Variants in ADCK1 observed in about 807,000 individuals in gnomAD.
ADCK1 encodes the protein aarF domain containing kinase 1.
In ADCK1, 41 loss-of-function variants were observed where a neutral mutation model predicts 52.3. The ratio of observed to expected loss-of-function variants is 0.78; its 90% CI spans 0.61 to 1.02. The LOEUF is 1.02. Among genes scored for constraint, ADCK1 ranks in the 50% least tolerant of loss-of-function variants. The pLI, the probability that ADCK1 is intolerant of heterozygous loss-of-function variation, is 0.00. For missense variants in ADCK1, 658 were observed against 679.5 expected (o/e 0.97, Z 0.35); for synonymous variants, 250 against 274.6 (o/e 0.91, Z 0.89).
chr14:77,931,441 G>A, intron 9 of ADCK1, 77 bp from the exon 10 acceptor site: 1 of 1,468,296 alleles, frequency 6.8e-7, no homozygotes, highest in Non-Finnish European at 9.3e-7. Context: ...TCTGGTCACA[G>A]CCTGCCAGAC....
chr14:77,898,081 G>C (rs964887155), intron 5 of ADCK1, among the ~76,000 whole-genome samples: 2 of 152,178 alleles, frequency 1.3e-5, no homozygotes, highest in Non-Finnish European at 2.9e-5. Context: ...AACACAGTGA[G>C]ACTCTGTCTC....
chr14:77,842,453 TTCCTTCCTTCCTTCCTTCC>T (rs2082090799), intron 3 of ADCK1, among the ~76,000 whole-genome samples: 975 of 52,004 alleles, frequency 0.019, 7 homozygotes, highest in Middle Eastern at 0.049. Context: ...TTTTTTTTCC[TTCCTTCCTTCCTTCCTTCC>T]TTCCTTCCTT....
At chr14:77,882,146 G>T (rs2083039956) in intron 4 of ADCK1, among the ~76,000 whole-genome samples, 1 of 151,972 alleles carries the variant, frequency 6.6e-6, no homozygotes, top group Admixed American at 6.6e-5. Context: ...TAGGCTGGGG[G>T]TGGGAAAGGG....
intron 3 of ADCK1, among the ~76,000 whole-genome samples, chr14:77,828,886 G>T (rs751665707): frequency 5.3e-5 from 8 of 151,186 alleles, no homozygotes; most frequent in Non-Finnish European, 1.2e-4. Flanking sequence ...TGGGGTCTAT[G>T]TCCCATATAT....
At chr14:77,899,353 T>C (rs1216174049) in intron 6 of ADCK1, 95 bp downstream of exon 6, 20 of 1,484,414 alleles carry the variant, frequency 1.3e-5, no homozygotes, top group African/African-American at 2.8e-5. Flanking sequence ...CAGGACATAA[T>C]TGGGACATCT....
intron 4 of ADCK1, among the ~76,000 whole-genome samples, chr14:77,882,677 C>T (rs994891654): frequency 1.3e-5 from 2 of 152,190 alleles, no homozygotes; most frequent in Admixed American, 6.5e-5. Context: ...CAGGAGGCGT[C>T]GTGTGGTTTC....
At chr14:77,865,768 C>T (rs901274447) in intron 4 of ADCK1, among the ~76,000 whole-genome samples, 12 of 152,318 alleles carry the variant, frequency 7.9e-5, no homozygotes, top group Admixed American at 4.6e-4. Flanking sequence ...CTCCATTTCC[C>T]GATCTCTAAA....
intron 3 of ADCK1, among the ~76,000 whole-genome samples, chr14:77,830,563 G>C (rs1355220884): frequency 6.6e-6 from 1 of 151,074 alleles, no homozygotes; most frequent in Admixed American, 6.6e-5. Context: ...AAACTGCTGG[G>C]ATTACAGGCG....
rs965200835 is a variant in ADCK1, at chr14:77,830,207, C to T, written c.219+7689C>T. ...GGCCAGAGTGCAGTGGTGCGATCTC[C>T]GCTCACGGCAACCTCCGTTCACTGC... On this transcript the variant is annotated intron_variant, in intron 3 of 10. Coordinates refer to ENST00000238561, the MANE Select transcript of ADCK1 (RefSeq NM_020421.4). 5.3e-5 allele frequency among the ~76,000 whole-genome samples: 8 copies of T among 150,878 alleles called. 1 individual carries two copies. The highest frequency in any genetic ancestry group is 7.3e-5 in the African/African-American group (3 of 41,272).
intron 7 of ADCK1, among the ~76,000 whole-genome samples, chr14:77,919,137 T>C (rs1412693653): frequency 6.6e-6 from 1 of 152,178 alleles, no homozygotes; most frequent in Non-Finnish European, 1.5e-5. Flanking sequence ...CACTGCAACC[T>C]CCATCTCCTC....
At position 77,927,217 on chromosome 14, in the gene ADCK1, C is replaced by T. The variant is rs564339892; in HGVS notation, c.1206+1256C>T. Among the ~76,000 whole-genome samples, 35 of 152,338 alleles carry T rather than the reference C, an allele frequency of 2.3e-4. 2 individuals carry two copies. The South Asian group carries it at 7.2e-3, about 32-fold the overall frequency. On this transcript the variant is annotated intron_variant, in intron 9 of 10. Coordinates refer to ENST00000238561, the MANE Select transcript of ADCK1 (RefSeq NM_020421.4). The stretch of plus-strand genomic sequence containing the variant: ...TGTCATCAAAGAGACCATCCGTCCC[C>T]ATCTCTCGGCTCCGCTTTCCTCCAA...
At chr14:77,892,341 T>G (rs769832861) in intron 5 of ADCK1, among the ~76,000 whole-genome samples, 1 of 152,200 alleles carries the variant, frequency 6.6e-6, no homozygotes. Context: ...GACTACTGGT[T>G]GTGTCAGGTG....
At chr14:77,933,124 G>T in intron 10 of ADCK1, 96 bp from the exon 11 acceptor site, 1 of 1,356,218 alleles carries the variant, frequency 7.4e-7, no homozygotes, top group Non-Finnish European at 1.0e-6. Context: ...CTGGTGAGTT[G>T]GCCAAAGCCA....
At chr14:77,929,692 A>C (rs2084280549) in intron 9 of ADCK1, among the ~76,000 whole-genome samples, 1 of 151,846 alleles carries the variant, frequency 6.6e-6, no homozygotes, top group African/African-American at 2.4e-5. Context: ...TTTGAGACAG[A>C]GTCTCGCTCT....
rs778582393 is a variant in ADCK1, at chr14:77,822,452, C to A, written c.153C>A (p.Tyr51Ter). The change falls in exon 3 of 11, where the codon TAC (tyrosine) becomes TAA (stop). Residue 51 changes from tyrosine (Y) to a stop codon, truncating the protein, a stop_gained. Coordinates refer to ENST00000238561, the MANE Select transcript of ADCK1 (RefSeq NM_020421.4). LOFTEE classifies it high-confidence loss of function. ...RAVATTAVISYDYLTSLKSVP... is the reference protein window; with the variant it reads ...RAVATTAVIS ...GTTCACAGACGGCTGTCATCAGTTA[C>A]GACTACCTCACTTCCCTGAAGAGTG... 3.1e-6 allele frequency: 5 copies of A among 1,614,002 alleles called. No individual in the cohort carries two copies. Among genetic ancestry groups the A allele is most frequent in the South Asian group, 2.2e-5 (2 of 91,078 alleles).
intron 4 of ADCK1, among the ~76,000 whole-genome samples, chr14:77,872,730 A>T (rs1403265985): frequency 6.7e-6 from 1 of 149,058 alleles, no homozygotes; most frequent in Admixed American, 6.7e-5. Context: ...GCTAGAGTGC[A>T]GTGGCATGGT....
chr14:77,822,194 T>C (rs889890259), intron 2 of ADCK1, among the ~76,000 whole-genome samples: 1 of 152,184 alleles, frequency 6.6e-6, no homozygotes, highest in African/African-American at 2.4e-5. Context: ...AATAATTGAA[T>C]GTTTCAGGTA....
At chr14:77,912,433 CGTGTGTGTGTGTGTGTGTGT>C (rs57555913) in intron 7 of ADCK1, among the ~76,000 whole-genome samples, 7 of 138,170 alleles carry the variant, frequency 5.1e-5, no homozygotes, top group South Asian at 2.6e-4. Flanking sequence ...TACGGAGGAG[CGTGTGTGTGTGTGTGTGTGT>C]GTGTGTGTGT....
chr14:77,839,855 G>T (rs891654601), intron 3 of ADCK1, among the ~76,000 whole-genome samples: 1 of 149,044 alleles, frequency 6.7e-6, no homozygotes, highest in African/African-American at 2.5e-5. Flanking sequence ...GGAAGTCGAG[G>T]CTGCAGCAAG....
Sources: allele counts gnomAD v4.1 joint callset (sites outside exome capture counted in the v4.1 genomes callset), GRCh38; gene constraint gnomAD v4.1.1; transcripts MANE v1.5; gene names NCBI Gene and HGNC (gene_info 2026-07-23, HGNC 2026-07-21).